GRIK4: variants seen among roughly 807,000 people sequenced by gnomAD.
GRIK4 encodes the protein glutamate receptor ionotropic, kainate 4.
GRIK4 carries 40 observed loss-of-function variants against 104.9 expected under a neutral mutation model. The ratio of observed to expected loss-of-function variants is 0.38; its 90% CI spans 0.30 to 0.50. GRIK4 has a LOEUF of 0.50. GRIK4 is among the 20% of genes least tolerant of loss of function. The probability of loss-of-function intolerance (pLI) is 0.93; values close to 1 mark genes in which losing one functional copy is unlikely to be tolerated. For missense variants in GRIK4, 1,047 were observed against 1,308.1 expected, an observed-to-expected ratio of 0.80 and a Z score of 3.08; for synonymous variants, 485 against 524.9, an observed-to-expected ratio of 0.92 and a Z score of 1.04.
At chr11:120,516,667 G>T (rs1020920918) in intron 1 of GRIK4, among the ~76,000 whole-genome samples, 4 of 152,152 alleles carry the variant, frequency 2.6e-5, no homozygotes, top group Admixed American at 2.0e-4. Flanking sequence ...GAGGCGAAAG[G>T]GGGGTAAGCT....
At chr11:120,514,542 A>G (rs549712621) in intron 1 of GRIK4, among the ~76,000 whole-genome samples, 4 of 152,156 alleles carry the variant, frequency 2.6e-5, no homozygotes, top group South Asian at 4.2e-4. Context: ...CCTGTTCCTC[A>G]GTTCATCCCC....
intron 1 of GRIK4, among the ~76,000 whole-genome samples, chr11:120,615,734 G>A (rs972635690): frequency 1.3e-5 from 2 of 152,162 alleles, no homozygotes; most frequent in East Asian, 3.9e-4. Context: ...GCAGCTTGTG[G>A]GTGGGGATCC....
rs143931502 is a variant in GRIK4, at chr11:120,849,163, G to GCACA, written c.744+12336_744+12339dup. 6.4e-3 allele frequency among the ~76,000 whole-genome samples: 958 copies of GCACA among 150,042 alleles called. 6 individuals are homozygous for GCACA. The highest frequency in any genetic ancestry group is 0.01 in the Non-Finnish European group (701 of 67,372). On this transcript the variant is annotated intron_variant, in intron 8 of 20. Coordinates refer to ENST00000527524, the MANE Select transcript of GRIK4 (RefSeq NM_014619.5). ...TTGCTTGTATCTGCCCCCAACGCGC[G>GCACA]CACACACACACACACACACATTTCT... is the stretch of plus-strand genomic sequence containing the variant.
chr11:120,815,286 G>A, intron 4 of GRIK4, 92 bp from the exon 5 acceptor site: 1 of 719,910 alleles, frequency 1.4e-6, no homozygotes, highest in South Asian at 1.6e-5. Flanking sequence ...AAGGTGAGGG[G>A]GCAGCGGGTG....
At chr11:120,769,881 G>C (rs1307054975) in intron 3 of GRIK4, among the ~76,000 whole-genome samples, 1 of 152,184 alleles carries the variant, frequency 6.6e-6, no homozygotes, top group Non-Finnish European at 1.5e-5. Context: ...GGTGGACAAA[G>C]CCTGCACCAA....
At chr11:120,582,748 C>CA (rs1948604871) in intron 1 of GRIK4, among the ~76,000 whole-genome samples, 1 of 152,138 alleles carries the variant, frequency 6.6e-6, no homozygotes, top group Non-Finnish European at 1.5e-5. Context: ...TTTCTTTATC[C>CA]AGTCTACCGT....
intron 3 of GRIK4, among the ~76,000 whole-genome samples, chr11:120,780,285 C>G (rs1465321953): frequency 6.6e-6 from 1 of 152,188 alleles, no homozygotes; most frequent in Admixed American, 6.5e-5. Context: ...TTTTGTCTTG[C>G]AAAACTGAAA....
rs551559862 is a variant in GRIK4, at chr11:120,759,898, T to C, written c.83-42795T>C. 7.2e-5 allele frequency among the ~76,000 whole-genome samples: 11 copies of C among 152,240 alleles called. No individual in the cohort carries two copies. The East Asian group carries it at 1.5e-3, about 21-fold the overall frequency. ...ACAACATGATGTTAGGGGATACATA[T>C]AGATAGTAAGATGGTTGCTATAGTG... On this transcript the variant is annotated intron_variant, in intron 3 of 20. Coordinates refer to ENST00000527524, the MANE Select transcript of GRIK4 (RefSeq NM_014619.5).
intron 3 of GRIK4, among the ~76,000 whole-genome samples, chr11:120,679,900 G>A (rs1950162471): frequency 6.6e-6 from 1 of 152,158 alleles, no homozygotes; most frequent in Admixed American, 6.5e-5. Context: ...CAATACCCAT[G>A]AATTCTGTAC....
chr11:120,678,935 G>T (rs1431858371), intron 3 of GRIK4, among the ~76,000 whole-genome samples: 2 of 148,468 alleles, frequency 1.3e-5, no homozygotes, highest in African/African-American at 4.9e-5. Flanking sequence ...GCCTGGCCTG[G>T]TTTTTTTTTT....
At chr11:120,616,107 C>T (rs928183758) in intron 1 of GRIK4, among the ~76,000 whole-genome samples, 3 of 152,132 alleles carry the variant, frequency 2.0e-5, no homozygotes, top group African/African-American at 7.2e-5. Flanking sequence ...CAGTCCTAGG[C>T]ACTTCATAAA....
At chr11:120,614,874 T>A (rs1426714158) in intron 1 of GRIK4, among the ~76,000 whole-genome samples, 1 of 151,966 alleles carries the variant, frequency 6.6e-6, no homozygotes, top group Non-Finnish European at 1.5e-5. Flanking sequence ...TGGCGGGCGC[T>A]TGTAGTCCCA....
chr11:120,874,399 C>G (rs1311632534), intron 10 of GRIK4, among the ~76,000 whole-genome samples, 181 bp downstream of exon 10: 1 of 152,242 alleles, frequency 6.6e-6, no homozygotes, highest in Non-Finnish European at 1.5e-5. Context: ...CATTTGTTCC[C>G]TAAACCCCAA....
chr11:120,917,247 CAAAA>C (rs199620498), intron 13 of GRIK4, among the ~76,000 whole-genome samples: 236 of 34,778 alleles, frequency 6.8e-3, no homozygotes, highest in African/African-American at 9.2e-3. Context: ...AACTCCGTCT[CAAAA>C]AAAAAAAAAA....
chr11:120,892,593 A>G (rs1955336551), intron 11 of GRIK4, among the ~76,000 whole-genome samples: 1 of 152,128 alleles, frequency 6.6e-6, no homozygotes, highest in Non-Finnish European at 1.5e-5. Flanking sequence ...GACACACTGC[A>G]GCCTCTGTCA....
intron 3 of GRIK4, among the ~76,000 whole-genome samples, chr11:120,788,448 A>T (rs1952332560): frequency 6.6e-6 from 1 of 152,182 alleles, no homozygotes; most frequent in African/African-American, 2.4e-5. Context: ...TGGTCACTTT[A>T]CTTCCATTTG....
intron 3 of GRIK4, among the ~76,000 whole-genome samples, chr11:120,669,990 C>T (rs995040035): frequency 6.6e-6 from 1 of 152,214 alleles, no homozygotes; most frequent in African/African-American, 2.4e-5. Flanking sequence ...CCCCTCCATG[C>T]CTGCTTCTCC....
At chr11:120,811,705 G>A (rs1279085299) in intron 4 of GRIK4, among the ~76,000 whole-genome samples, 1 of 152,072 alleles carries the variant, frequency 6.6e-6, no homozygotes, top group Non-Finnish European at 1.5e-5. Flanking sequence ...TCCTGCTTCT[G>A]TCTCTTAGTA....
At chr11:120,609,180 T>A (rs1380193658) in intron 1 of GRIK4, among the ~76,000 whole-genome samples, 2 of 151,794 alleles carry the variant, frequency 1.3e-5, no homozygotes, top group Non-Finnish European at 2.9e-5. Context: ...CCTCTCAGAG[T>A]TTTCTCTCTT....
Sources: allele counts gnomAD v4.1 joint callset (sites outside exome capture counted in the v4.1 genomes callset), GRCh38; gene constraint gnomAD v4.1.1; transcripts MANE v1.5; gene names NCBI Gene and HGNC (gene_info 2026-07-23, HGNC 2026-07-21).